PMEPA1: variants seen among roughly 807,000 people sequenced by gnomAD.
PMEPA1 encodes the protein protein TMEPAI.
A neutral mutation model predicts 23.0 loss-of-function variants in PMEPA1; 11 were observed. That is an observed-to-expected ratio of 0.48 (90% CI 0.30 to 0.79). PMEPA1 has a LOEUF of 0.79. Among genes scored for constraint, PMEPA1 ranks in the 30% least tolerant of loss-of-function variants. The pLI is 0.06. For missense variants in PMEPA1, 377 were observed against 390.9 expected, an observed-to-expected ratio of 0.96 and a Z score of 0.30; for synonymous variants, 204 against 166.4, an observed-to-expected ratio of 1.23 and a Z score of -1.74.
intron 1 of PMEPA1, among the ~76,000 whole-genome samples, chr20:57,669,380 C>T (rs1305363541): frequency 2.6e-5 from 4 of 152,048 alleles, no homozygotes; most frequent in Admixed American, 6.6e-5. Context: ...AGGCTGGTCT[C>T]GAACTCCTGA....
At chr20:57,705,717 C>T (rs565582269) in intron 1 of PMEPA1, among the ~76,000 whole-genome samples, 2 of 152,350 alleles carry the variant, frequency 1.3e-5, no homozygotes, top group South Asian at 4.1e-4. Context: ...CTCTGGCCCT[C>T]AAGCCCCTTA....
upstream of PMEPA1, chr20:57,710,094 G>C (rs1457107490): frequency 1.8e-5 from 17 of 943,444 alleles, no homozygotes; most frequent in Non-Finnish European, 2.2e-5. Flanking sequence ...TCCCCGCCGA[G>C]GTTCCCCCGC....
chr20:57,700,481 G>A (rs1470380630), intron 1 of PMEPA1, among the ~76,000 whole-genome samples: 1 of 152,210 alleles, frequency 6.6e-6, no homozygotes, highest in Non-Finnish European at 1.5e-5. Context: ...GAACCTGCAT[G>A]GCTGTTAGGT....
rs1426414516 is a variant in PMEPA1 at position 57,704,781 on chromosome 20, G to T, written c.109+4693C>A. On this transcript the variant is annotated intron_variant, in intron 1 of 3. Transcript: ENST00000341744. The surrounding 1 kb of genome is among the most constrained non-coding windows in gnomAD (Gnocchi z 4.6). ...GATGGGAGTGGAGATGGTGGGGGCA[G>T]GCATGTGGGCACACCTGACCCCGTG... Among the ~76,000 whole-genome samples the T allele has an allele frequency of 1.3e-5, 2 of 152,218 alleles. No homozygotes were observed. The highest frequency in any genetic ancestry group is 2.9e-5 in the Non-Finnish European group (2 of 68,042).
chr20:57,660,545 T>C, intron 1 of PMEPA1, among the ~76,000 whole-genome samples: 1 of 125,860 alleles, frequency 7.9e-6, no homozygotes, highest in African/African-American at 3.4e-5. Context: ...CCAACACTCC[T>C]ACACACACGT....
At chr20:57,686,276 G>A (rs892865328) in intron 1 of PMEPA1, among the ~76,000 whole-genome samples, 20 of 152,228 alleles carry the variant, frequency 1.3e-4, no homozygotes, top group Admixed American at 2.0e-4. Context: ...CAGATGCCCA[G>A]TGAGGGCTCA....
Position 57,651,649 on chromosome 20 carries a change from T to TTA in PMEPA1, c.*402_*403dup, listed in dbSNP as rs2071230152. 1 of 151,142 alleles carries TTA rather than the reference T, an allele frequency of 6.6e-6. No individual in the cohort carries two copies. Among genetic ancestry groups the TTA allele is most frequent in the Non-Finnish European group, 1.5e-5 (1 of 67,796 alleles). 9.4% of individuals were successfully genotyped at this position (151,142 alleles called of 1,614,324 possible). A position where few individuals can be genotyped will look rare whatever the true frequency, so the allele number is the denominator to read the frequency against. On this transcript the variant is annotated 3_prime_UTR_variant, in exon 4 of 4. Transcript: ENST00000341744. ...ACAGTTTCTCTTATCTTATATATAT[T>TTA]TATATATATAATATTGCAGATCTTT...
rs2071438156 is a variant in PMEPA1 at position 57,662,691 on chromosome 20, T to C, written c.110-2994A>G. ...ATTCAGGGTACACACAGGGCTGGCTTTGTGTAACACCCACGCCCCCCCACC... is the reference window on the plus strand; with the variant it reads ...ATTCAGGGTACACACAGGGCTGGCTCTGTGTAACACCCACGCCCCCCCACC... On this transcript the variant is annotated intron_variant, in intron 1 of 3. Coordinates refer to ENST00000341744, the MANE Select transcript of PMEPA1 (RefSeq NM_020182.5). Among the ~76,000 whole-genome samples, 3 of 152,118 alleles carry C rather than the reference T, an allele frequency of 2.0e-5. No homozygotes were observed. The South Asian group carries it at 6.2e-4, about 31-fold the overall frequency.
chr20:57,660,711 AC>A (rs2071404827), intron 1 of PMEPA1, among the ~76,000 whole-genome samples: 1 of 130,416 alleles, frequency 7.7e-6, no homozygotes, highest in Non-Finnish European at 1.6e-5. Context: ...CACAAATAAC[AC>A]CCCAACACGT....
intron 1 of PMEPA1, among the ~76,000 whole-genome samples, chr20:57,705,096 G>T (rs917980290): frequency 1.3e-5 from 2 of 152,222 alleles, no homozygotes; most frequent in African/African-American, 2.4e-5. Flanking sequence ...AAGACAGATG[G>T]GGTAGAAGCT....
At chr20:57,700,733 A>C (rs1035741614) in intron 1 of PMEPA1, among the ~76,000 whole-genome samples, 1 of 152,204 alleles carries the variant, frequency 6.6e-6, no homozygotes, top group African/African-American at 2.4e-5. Context: ...TAGTTAAAAG[A>C]CATCAAAAAA....
In PMEPA1 at chr20:57,649,076, G is replaced by A. The variant is rs540952015; in HGVS notation, c.*2977C>T. Reference sequence around the variant, plus strand: ...AGGAAAGGTGGTGATTGACAGGCAGGGAGACAGTGACAAGGCTAGAGAAAG... The same window carrying A: ...AGGAAAGGTGGTGATTGACAGGCAGAGAGACAGTGACAAGGCTAGAGAAAG... On this transcript the variant is annotated 3_prime_UTR_variant, in exon 4 of 4. Coordinates refer to ENST00000341744, the MANE Select transcript of PMEPA1 (RefSeq NM_020182.5). The A allele has an allele frequency of 1.3e-5, 2 of 152,242 alleles. No homozygotes were observed. The highest frequency in any genetic ancestry group is 4.8e-5 in the African/African-American group (2 of 41,518). 9.4% of individuals were successfully genotyped at this position (152,242 alleles called of 1,614,324 possible).
At chr20:57,710,488 C>A, upstream of PMEPA1, 1 of 1,606,148 alleles carries the variant, frequency 6.2e-7, no homozygotes, top group Non-Finnish European at 8.5e-7. Context: ...GGAGACTGTC[C>A]GCCTTCAGTT....
chr20:57,682,738 G>A lies in PMEPA1; in HGVS notation c.110-23041C>T, dbSNP rs917995843. On this transcript the variant is annotated intron_variant, in intron 1 of 3. Transcript: ENST00000341744. The surrounding 1 kb of genome is among the most constrained non-coding windows in gnomAD (Gnocchi z 4.4). The stretch of plus-strand genomic sequence containing the variant: ...CAGCAGAAACCAACTCCTCCTGGAG[G>A]AAGGAAAGTTCAATGGATGAGCTAT... Among the ~76,000 whole-genome samples, 4 of 152,258 alleles carry A rather than the reference G, an allele frequency of 2.6e-5. No homozygotes were observed. The highest frequency in any genetic ancestry group is 4.4e-5 in the Non-Finnish European group (3 of 68,040).
At chr20:57,695,345 C>G (rs2071931245) in intron 1 of PMEPA1, among the ~76,000 whole-genome samples, 1 of 152,260 alleles carries the variant, frequency 6.6e-6, no homozygotes, top group Non-Finnish European at 1.5e-5. Flanking sequence ...CCTGGGCCCC[C>G]TGGCTGGGGC....
intron 1 of PMEPA1, among the ~76,000 whole-genome samples, chr20:57,697,673 CA>C (rs2146706086): frequency 6.6e-6 from 1 of 152,290 alleles, no homozygotes; most frequent in Non-Finnish European, 1.5e-5. Context: ...GATGGGGAAC[CA>C]ACCAGAGGAA....
At chr20:57,670,954 G>A (rs1369844907) in intron 1 of PMEPA1, among the ~76,000 whole-genome samples, 3 of 152,166 alleles carry the variant, frequency 2.0e-5, no homozygotes, top group Non-Finnish European at 4.4e-5. Flanking sequence ...ACAGGAGGTG[G>A]ACCTGGAGGA....
chr20:57,692,643 C>A (rs1374802949), intron 1 of PMEPA1, among the ~76,000 whole-genome samples: 1 of 152,234 alleles, frequency 6.6e-6, no homozygotes, highest in Non-Finnish European at 1.5e-5. Context: ...GCAGAGGAGG[C>A]CAAGTGGCTG....
chr20:57,704,940 G>A lies in PMEPA1; in HGVS notation c.109+4534C>T, dbSNP rs546223460. On this transcript the variant is annotated intron_variant, in intron 1 of 3. Transcript: ENST00000341744. The surrounding 1 kb of genome is among the most constrained non-coding windows in gnomAD (Gnocchi z 4.6). ...GACGGCCTCCCTTCTCCTGGGCAGC[G>A]GCACACAGGGGTCCACCTTCCTTCT... Among the ~76,000 whole-genome samples, 5 of 152,270 alleles carry A rather than the reference G, an allele frequency of 3.3e-5. No individual in the cohort carries two copies. The highest frequency in any genetic ancestry group is 2.1e-4 in the South Asian group (1 of 4,822).
Sources: allele counts gnomAD v4.1 joint callset (sites outside exome capture counted in the v4.1 genomes callset), GRCh38; gene constraint gnomAD v4.1.1; non-coding constraint Gnocchi (gnomAD v3.1); transcripts MANE v1.5; gene names NCBI Gene and HGNC (gene_info 2026-07-23, HGNC 2026-07-21).